Variants in GPR153 observed in about 807,000 individuals in gnomAD.
GPR153 encodes probable G protein-coupled receptor 153.
In GPR153, 27 loss-of-function variants were observed where a neutral mutation model predicts 34.1. That is an observed-to-expected ratio of 0.79 (90% CI 0.58 to 1.09). GPR153 has a LOEUF of 1.09. GPR153 is among the 50% of genes least tolerant of loss of function. The probability of loss-of-function intolerance (pLI) is 0.00; values close to 1 mark genes in which losing one functional copy is unlikely to be tolerated. For missense variants in GPR153, 848 were observed against 860.2 expected (o/e 0.99, Z 0.18); for synonymous variants, 408 against 405.4 (o/e 1.01, Z -0.08).
At position 6,247,882 on chromosome 1, in the gene GPR153, G is replaced by A. The variant is rs556028060; in HGVS notation, c.*1456C>T. On this transcript the variant is annotated 3_prime_UTR_variant, in exon 6 of 6. Transcript: ENST00000377893. ...GTTACCCCACAGCCAGGGACTGGAG[G>A]GGCCTCTGAAGCACAGACAGGCTTA... The A allele has an allele frequency of 1.3e-5, 2 of 152,458 alleles. No homozygotes were observed. The highest frequency in any genetic ancestry group is 2.9e-5 in the Non-Finnish European group (2 of 68,114). 9.4% of individuals were successfully genotyped at this position (152,458 alleles called of 1,614,324 possible). A position where few individuals can be genotyped will look rare whatever the true frequency, so the allele number is the denominator to read the frequency against.
intron 1 of GPR153, among the ~76,000 whole-genome samples, chr1:6,260,317 A>G (rs1371204559): frequency 2.7e-5 from 4 of 147,068 alleles, no homozygotes; most frequent in Non-Finnish European, 6.0e-5. Context: ...AGGCCTGGAC[A>G]TCTCCGGCAC....
Position 6,247,893 on chromosome 1 carries a change from GCA to G in GPR153, c.*1443_*1444del, listed in dbSNP as rs1336050544. The G allele has an allele frequency of 6.6e-6, 1 of 152,398 alleles. No homozygotes were observed. Among genetic ancestry groups the G allele is most frequent in the African/African-American group, 2.4e-5 (1 of 41,468 alleles). The allele number at this position is 152,398 out of a possible 1,614,324, so 9.4% of individuals were successfully genotyped here. A position where few individuals can be genotyped will look rare whatever the true frequency, so the allele number is the denominator to read the frequency against. On this transcript the variant is annotated 3_prime_UTR_variant, in exon 6 of 6. Coordinates refer to ENST00000377893, the MANE Select transcript of GPR153 (RefSeq NM_207370.4). ...GCCAGGGACTGGAGGGGCCTCTGAA[GCA>G]CAGACAGGCTTAGGCAGCCTCCCAC...
chr1:6,254,202 C>A (rs530253798), intron 2 of GPR153, 55 bp from the exon 3 acceptor site: 1 of 1,538,202 alleles, frequency 6.5e-7, no homozygotes, highest in African/African-American at 1.4e-5. Context: ...AGGGCCTCCC[C>A]AGGCCTCTGG....
rs138243241 is a variant in GPR153, at chr1:6,259,946, G to T, written c.-110+879C>A. Reference sequence around the variant, plus strand: ...CACTTAAAGCCCTGTCTTCTGCTGGGAAGTTTCTCCTGCAGGGCACTTAAA... The same window carrying T: ...CACTTAAAGCCCTGTCTTCTGCTGGTAAGTTTCTCCTGCAGGGCACTTAAA... On this transcript the variant is annotated intron_variant, in intron 1 of 5. Transcript: ENST00000377893. Among the ~76,000 whole-genome samples the T allele has an allele frequency of 6.5e-4, 98 of 151,604 alleles. 1 individual carries two copies. The East Asian group carries it at 0.016, about 25-fold the overall frequency.
At chr1:6,252,129 G>A (rs1352360124) in intron 3 of GPR153, among the ~76,000 whole-genome samples, 1 of 152,198 alleles carries the variant, frequency 6.6e-6, no homozygotes, top group South Asian at 2.1e-4. Flanking sequence ...CTGTCCCAAA[G>A]AGTGATGCTT....
chr1:6,257,886 C>T (rs1178569611), intron 1 of GPR153, among the ~76,000 whole-genome samples: 1 of 152,240 alleles, frequency 6.6e-6, no homozygotes, highest in Admixed American at 6.5e-5. Flanking sequence ...CAAGTGAAGG[C>T]CTACTTGTGC....
At position 6,249,579 on chromosome 1, in the gene GPR153, T is replaced by C. The variant is rs1419081820; in HGVS notation, c.1589A>G (p.Asp530Gly). The C allele has an allele frequency of 1.7e-6, 2 of 1,173,036 alleles. No individual in the cohort carries two copies. The highest frequency in any genetic ancestry group is 1.6e-5 in the African/African-American group (1 of 61,570). 72.7% of individuals were successfully genotyped at this position (1,173,036 alleles called of 1,614,324 possible). ...GPFPAAPAAP[D>G]GADPGEAPTP... ...CGGGGCCTCTCCGGGATCTGCGCCGTCGGGGGCGGCGGGCGCAGCGGGGAA... is the reference window on the plus strand; with the variant it reads ...CGGGGCCTCTCCGGGATCTGCGCCGCCGGGGGCGGCGGGCGCAGCGGGGAA... Residue 530 changes from aspartate to glycine, a missense_variant, in exon 6 of 6, where the codon GAC (aspartate) becomes GGC (glycine). Asp to Gly is a moderately conservative substitution (Grantham distance 94, BLOSUM62 -1). Coordinates refer to ENST00000377893, the MANE Select transcript of GPR153 (RefSeq NM_207370.4). The surrounding 1 kb of genome is among the most constrained non-coding windows in gnomAD (Gnocchi z 4.3).
rs1022354032 is a variant in GPR153, at chr1:6,249,244, T to G, written c.*94A>C. ...CCTCACCCCTGGGAGGGGTGGCGCA[T>G]GTCTGCGCGCGGGGCGGAGGCGGGC... On this transcript the variant is annotated 3_prime_UTR_variant, in exon 6 of 6. Transcript: ENST00000377893. This position sits in a 1 kb window ranked among gnomAD's most constrained non-coding sequence, Gnocchi z 4.3. 2.1e-6 allele frequency: 2 copies of G among 945,940 alleles called. No homozygotes were observed. Among genetic ancestry groups the G allele is most frequent in the African/African-American group, 1.7e-5 (1 of 58,394 alleles). The allele number at this position is 945,940 out of a possible 1,614,324, so 58.6% of individuals were successfully genotyped here.
chr1:6,249,359 G>A lies in GPR153; in HGVS notation c.1809C>T (p.Asp603=). ...ESSGYATLHS[D]SLGSAS ...GGTCCTAGGACGCGGAGCCCAGCGA[G>A]TCCGAGTGCAGCGTGGCGTAGCCCG... The change falls in exon 6 of 6, where the codon GAC becomes GAT. Residue 603 remains aspartate, a synonymous_variant. Transcript: ENST00000377893. The surrounding 1 kb of genome is among the most constrained non-coding windows in gnomAD (Gnocchi z 4.3). 1 of 1,330,616 alleles carries A rather than the reference G, an allele frequency of 7.5e-7. No homozygotes were observed. Among genetic ancestry groups the A allele is most frequent in the East Asian group, 3.0e-5 (1 of 33,126 alleles). 82.4% of individuals were successfully genotyped at this position (1,330,616 alleles called of 1,614,324 possible).
intron 1 of GPR153, among the ~76,000 whole-genome samples, chr1:6,257,247 T>C (rs1638586980): frequency 6.6e-6 from 1 of 152,228 alleles, no homozygotes; most frequent in Admixed American, 6.5e-5. Context: ...CCTTAATTTA[T>C]TTTACTTCAT....
At chr1:6,252,930 G>C (rs548182849) in intron 3 of GPR153, among the ~76,000 whole-genome samples, 248 of 152,272 alleles carry the variant, frequency 1.6e-3, no homozygotes, top group Non-Finnish European at 2.8e-3. Context: ...CCAGCCGTTA[G>C]TATCAAGTGC....
In GPR153 at chr1:6,261,069, C is replaced by G. The variant is rs1258970015; in HGVS notation, c.-354G>C. On this transcript the variant is annotated 5_prime_UTR_variant, in exon 1 of 6. Transcript: ENST00000377893. The stretch of plus-strand genomic sequence containing the variant: ...CGCCGCCGCCGCGCTTCGCTCAGCT[C>G]CCGCCGCTCCGCTGCTGCGCCGGGC... The G allele has an allele frequency of 1.3e-5, 2 of 148,978 alleles. No individual in the cohort carries two copies. Among genetic ancestry groups the G allele is most frequent in the Non-Finnish European group, 3.0e-5 (2 of 66,768 alleles). 9.2% of individuals were successfully genotyped at this position (148,978 alleles called of 1,614,324 possible).
In GPR153 at chr1:6,247,761, G is replaced by A. The variant is rs1271164803; in HGVS notation, c.*1577C>T. Reference sequence around the variant, plus strand: ...CCTACGTAACTTGTCAGTCCTTGAAGGCACAGCAGCATTGGCCAGAGATGG... The same window carrying A: ...CCTACGTAACTTGTCAGTCCTTGAAAGCACAGCAGCATTGGCCAGAGATGG... On this transcript the variant is annotated 3_prime_UTR_variant, in exon 6 of 6. Transcript: ENST00000377893. The A allele has an allele frequency of 3.9e-5, 6 of 152,288 alleles. No homozygotes were observed. Among genetic ancestry groups the A allele is most frequent in the African/African-American group, 1.2e-4 (5 of 41,466 alleles). The allele number at this position is 152,288 out of a possible 1,614,324, so 9.4% of individuals were successfully genotyped here. A position where few individuals can be genotyped will look rare whatever the true frequency, so the allele number is the denominator to read the frequency against.
Position 6,254,849 on chromosome 1 carries a change from G to C in GPR153, c.57C>G (p.Gly19=). 6.2e-7 allele frequency: 1 copy of C among 1,604,994 alleles called. No homozygotes were observed. The change falls in exon 2 of 6, where the codon GGC becomes GGG. Residue 19 remains glycine (G), a synonymous_variant. Transcript: ENST00000377893. The part of the protein sequence containing the change: ...GSAVGWLVCG[G]LSLLANAWGI... ...CCCAGGCATTGGCCAGCAGGGAGAGGCCCCCACATACCAGCCAGCCCACTG... is the reference window on the plus strand; with the variant it reads ...CCCAGGCATTGGCCAGCAGGGAGAGCCCCCCACATACCAGCCAGCCCACTG...
chr1:6,250,223 G>A (rs1638410971), intron 5 of GPR153: 1 of 985,308 alleles, frequency 1.0e-6, no homozygotes, highest in Middle Eastern at 5.2e-4. Context: ...AGGATACTGA[G>A]CCGGCAGGAG....
chr1:6,259,237 G>C (rs947155475), intron 1 of GPR153, among the ~76,000 whole-genome samples: 2 of 152,180 alleles, frequency 1.3e-5, no homozygotes, highest in African/African-American at 4.8e-5. Flanking sequence ...ACTCTAGCCT[G>C]AGCAACAGAG....
intron 3 of GPR153, 57 bp downstream of exon 3, chr1:6,253,661 T>G: frequency 6.9e-7 from 1 of 1,444,116 alleles, no homozygotes. Context: ...GCCTGGAGTA[T>G]GAGCAGCCCC....
intron 5 of GPR153, 71 bp downstream of exon 5, chr1:6,250,369 G>GGA: frequency 6.7e-7 from 1 of 1,487,812 alleles, no homozygotes; most frequent in Non-Finnish European, 9.0e-7. Flanking sequence ...GGCTCCGAGT[G>GGA]GAGAGGCCTC....
intron 1 of GPR153, among the ~76,000 whole-genome samples, chr1:6,259,253 C>G (rs1041882432): frequency 1.3e-5 from 2 of 152,150 alleles, no homozygotes; most frequent in African/African-American, 4.8e-5. Flanking sequence ...CAGAGTGAGA[C>G]CCTGTCTTAA....
Sources: gnomAD v4.1 joint callset for allele counts (sites outside exome capture counted in the v4.1 genomes callset) on GRCh38, gnomAD v4.1.1 for gene constraint, Gnocchi (gnomAD v3.1) non-coding constraint, MANE v1.5 for transcripts, NCBI Gene and HGNC (gene_info 2026-07-23, HGNC 2026-07-21) for gene names.